TRMT9B: variants seen among roughly 807,000 people sequenced by gnomAD.
The protein encoded by TRMT9B is tRNA methyltransferase 9B (putative).
TRMT9B carries 16 observed loss-of-function variants against 11.5 expected under a neutral mutation model. The ratio of observed to expected loss-of-function variants is 1.39; its 90% confidence interval spans 0.94 to 2.11. The LOEUF (loss-of-function observed/expected upper bound fraction) is 2.11. TRMT9B is among the 30% of genes most tolerant of loss of function. The pLI is 0.00. For synonymous variants in TRMT9B, 274 were observed against 192.4 expected, an observed-to-expected ratio of 1.42 and a Z score of -3.51; for missense variants, 941 against 553.8, an observed-to-expected ratio of 1.70 and a Z score of -7.02.
intron 1 of TRMT9B, among the ~76,000 whole-genome samples, chr8:12,973,478 C>G (rs1803944667): frequency 6.6e-6 from 1 of 152,214 alleles, no homozygotes; most frequent in Non-Finnish European, 1.5e-5. Flanking sequence ...TAGAAGCAAT[C>G]TATGGCAGCA....
rs1326024744 is a variant in TRMT9B, at chr8:13,024,846, A to G, written c.*2802A>G. 2 of 166,980 alleles carry G rather than the reference A, an allele frequency of 1.2e-5. No homozygotes were observed. Among genetic ancestry groups the G allele is most frequent in the Non-Finnish European group, 2.9e-5 (2 of 68,118 alleles). The allele number at this position is 166,980 out of a possible 1,614,324, so 10.3% of individuals were successfully genotyped here. On this transcript the variant is annotated 3_prime_UTR_variant, in exon 5 of 5. Transcript: ENST00000524591. ...ACAAATATTTAATTTGGTGATTGAT[A>G]ATCTCTCTTTGGGGTAGTCACATGG... is the stretch of plus-strand genomic sequence containing the variant.
intron 1 of TRMT9B, among the ~76,000 whole-genome samples, chr8:12,949,585 A>C (rs1585044944): frequency 1.3e-5 from 2 of 152,148 alleles, no homozygotes; most frequent in Non-Finnish European, 2.9e-5. Flanking sequence ...TTATTTTTCT[A>C]CCTGCCTCCA....
At chr8:12,971,033 G>A (rs749662931) in intron 1 of TRMT9B, among the ~76,000 whole-genome samples, 1 of 152,134 alleles carries the variant, frequency 6.6e-6, no homozygotes, top group African/African-American at 2.4e-5. Flanking sequence ...TGGGGTACAT[G>A]TGCTATTTTG....
intron 4 of TRMT9B, among the ~76,000 whole-genome samples, chr8:13,019,355 G>A (rs780718330): frequency 3.3e-5 from 5 of 152,182 alleles, no homozygotes; most frequent in African/African-American, 1.2e-4. Flanking sequence ...GCAGTGGCAT[G>A]ATCATGGCCC....
At chr8:13,014,082 A>G (rs1051007055) in intron 4 of TRMT9B, among the ~76,000 whole-genome samples, 1 of 152,230 alleles carries the variant, frequency 6.6e-6, no homozygotes, top group African/African-American at 2.4e-5. Context: ...TAGATGAAAG[A>G]TTGATTTATC....
At chr8:12,955,202 G>C (rs139711319) in intron 1 of TRMT9B, among the ~76,000 whole-genome samples, 259 of 152,234 alleles carry the variant, frequency 1.7e-3, no homozygotes, top group African/African-American at 6.1e-3. Flanking sequence ...AGAATATGCT[G>C]TACTCTTAGT....
intron 1 of TRMT9B, among the ~76,000 whole-genome samples, chr8:12,977,111 A>C (rs183812744): frequency 3.3e-5 from 5 of 152,196 alleles, no homozygotes; most frequent in Non-Finnish European, 1.5e-5. Flanking sequence ...TGTCTACTCT[A>C]TTGAATCCCT....
At chr8:12,964,275 A>C (rs1467676160) in intron 1 of TRMT9B, among the ~76,000 whole-genome samples, 4 of 152,234 alleles carry the variant, frequency 2.6e-5, no homozygotes, top group Non-Finnish European at 5.9e-5. Flanking sequence ...TACAGTTGAT[A>C]ACACATCCTC....
intron 4 of TRMT9B, among the ~76,000 whole-genome samples, chr8:13,017,242 C>T (rs533398006): frequency 8.5e-5 from 13 of 152,288 alleles, no homozygotes; most frequent in African/African-American, 2.4e-4. Flanking sequence ...GGCATGTACA[C>T]TTGAAAAGTT....
intron 2 of TRMT9B, among the ~76,000 whole-genome samples, chr8:13,000,802 G>C (rs1002332884): frequency 6.6e-6 from 1 of 152,188 alleles, no homozygotes; most frequent in Non-Finnish European, 1.5e-5. Flanking sequence ...TAAAAAAGCA[G>C]TTTCCCTGCC....
intron 1 of TRMT9B, among the ~76,000 whole-genome samples, chr8:12,973,962 C>G (rs1014119887): frequency 3.3e-5 from 5 of 152,016 alleles, no homozygotes; most frequent in African/African-American, 1.2e-4. Flanking sequence ...GAGTTTCAGA[C>G]CAGCCTGAGC....
chr8:12,973,786 A>C (rs1441368997), intron 1 of TRMT9B, among the ~76,000 whole-genome samples: 2 of 152,162 alleles, frequency 1.3e-5, no homozygotes, highest in Non-Finnish European at 2.9e-5. Flanking sequence ...GATCCACAAA[A>C]CACTTCATGA....
At chr8:12,962,914 G>C (rs887041409) in intron 1 of TRMT9B, among the ~76,000 whole-genome samples, 1 of 152,180 alleles carries the variant, frequency 6.6e-6, no homozygotes, top group Non-Finnish European at 1.5e-5. Context: ...CTGTGGCTGT[G>C]TGTTTGTGCT....
At chr8:12,981,592 A>T (rs1585191073) in intron 1 of TRMT9B, among the ~76,000 whole-genome samples, 1 of 149,942 alleles carries the variant, frequency 6.7e-6, no homozygotes, top group African/African-American at 2.5e-5. Context: ...TCTTTCTTTT[A>T]TTTATTTATT....
chr8:13,022,113 C>G lies in TRMT9B; in HGVS notation c.*69C>G. Reference sequence around the variant, plus strand: ...TTTCCTCTTGGTTTGATATGGTTACCTGAATTTGCATTCAGTGTTATTTGT... The same window carrying G: ...TTTCCTCTTGGTTTGATATGGTTACGTGAATTTGCATTCAGTGTTATTTGT... On this transcript the variant is annotated 3_prime_UTR_variant, in exon 5 of 5. Coordinates refer to ENST00000524591, the MANE Select transcript of TRMT9B (RefSeq NM_020844.3). 9.0e-7 allele frequency: 1 copy of G among 1,116,836 alleles called. No homozygotes were observed. The highest frequency in any genetic ancestry group is 1.3e-6 in the Non-Finnish European group (1 of 787,756). 69.2% of individuals were successfully genotyped at this position (1,116,836 alleles called of 1,614,324 possible). A position where few individuals can be genotyped will look rare whatever the true frequency, so the allele number is the denominator to read the frequency against.
chr8:12,991,057 A>G lies in TRMT9B; in HGVS notation c.-2+26A>G, dbSNP rs74593148. ...GTTAGTAGCTTTCAGCGCTTCTGCA[A>G]CTCACATACCATGAGGTGTTTTTAG... is the stretch of plus-strand genomic sequence containing the variant. On this transcript the variant is annotated intron_variant, in intron 2 of 4. Transcript: ENST00000524591. 899 of 1,140,352 alleles carry G rather than the reference A, an allele frequency of 7.9e-4. 11 individuals carry two copies. In the Admixed American group the frequency reaches 0.014, roughly 18 times the overall value. 70.6% of individuals were successfully genotyped at this position (1,140,352 alleles called of 1,614,324 possible). A position where few individuals can be genotyped will look rare whatever the true frequency, so the allele number is the denominator to read the frequency against.
chr8:13,013,941 C>G (rs994219737), intron 4 of TRMT9B, among the ~76,000 whole-genome samples: 1 of 151,898 alleles, frequency 6.6e-6, no homozygotes, highest in Non-Finnish European at 1.5e-5. Context: ...AAGAGTGAGA[C>G]TCATCTCAAA....
intron 3 of TRMT9B, chr8:13,011,362 A>T (rs775328371): frequency 1.0e-6 from 1 of 985,158 alleles, no homozygotes; most frequent in East Asian, 1.1e-4. Context: ...CTTTTACTGT[A>T]TCATAATTTT....
chr8:12,968,530 T>C (rs909564873), intron 1 of TRMT9B, among the ~76,000 whole-genome samples: 3 of 152,180 alleles, frequency 2.0e-5, no homozygotes, highest in African/African-American at 7.2e-5. Flanking sequence ...TAATAGGTGG[T>C]CTGCATTTTA....
Sources: allele counts gnomAD v4.1 joint callset (sites outside exome capture counted in the v4.1 genomes callset), GRCh38; gene constraint gnomAD v4.1.1; transcripts MANE v1.5; gene names NCBI Gene and HGNC (gene_info 2026-07-23, HGNC 2026-07-21).